The following ARHGEF18 variants were observed in gnomAD, a reference collection of about 807,000 sequenced individuals.
The protein encoded by ARHGEF18 is rho guanine nucleotide exchange factor 18.
A neutral mutation model predicts 155.7 loss-of-function variants in ARHGEF18; 93 were observed. The ratio of observed to expected loss-of-function variants is 0.60; its 90% CI spans 0.50 to 0.71. The LOEUF is 0.71. Among genes scored for constraint, ARHGEF18 ranks in the 30% least tolerant of loss-of-function variants. The pLI, the probability that ARHGEF18 is intolerant of heterozygous loss-of-function variation, is 0.00. For synonymous variants in ARHGEF18, 742 were observed against 753.1 expected (o/e 0.99, Z 0.24); for missense variants, 1,593 against 1,816.1 (o/e 0.88, Z 2.23).
chr19:7,453,330 C>T (rs1975613341), intron 16 of ARHGEF18, 137 bp from the exon 17 acceptor site: 1 of 984,156 alleles, frequency 1.0e-6, no homozygotes, highest in Non-Finnish European at 1.4e-6. Context: ...TTGGAGAACA[C>T]ACCTCATAGA....
chr19:7,477,090 G>A (rs1431344692), downstream of ARHGEF18: 2 of 1,045,452 alleles, frequency 1.9e-6, no homozygotes, highest in African/African-American at 3.4e-5. Flanking sequence ...CTGCCCATGG[G>A]TTTCACCACA....
chr19:7,456,463 TC>T, intron 18 of ARHGEF18, 60 bp downstream of exon 18: 1 of 1,514,462 alleles, frequency 6.6e-7, no homozygotes, highest in Non-Finnish European at 9.2e-7. Flanking sequence ...ACGTCTATAA[TC>T]CCAGCACTTT....
chr19:7,384,200 G>C (rs1970879283), intron 10 of ARHGEF18, among the ~76,000 whole-genome samples: 1 of 152,072 alleles, frequency 6.6e-6, no homozygotes, highest in Non-Finnish European at 1.5e-5. Context: ...TTGTTCTAAG[G>C]GGCTATCCTG....
rs557473165 is a variant in ARHGEF18 at position 7,464,489 on chromosome 19, G to C, written c.2774-71G>C. On this transcript the variant is annotated intron_variant, in intron 22 of 28. Transcript: ENST00000668164. The stretch of plus-strand genomic sequence containing the variant: ...GGTTTCCTACCTGGGCAGGGGCTGG[G>C]GGTGGACTGGGAAGCTTCCCCCTCC... The C allele has an allele frequency of 1.0e-5, 16 of 1,542,444 alleles. 1 individual carries two copies. In the Admixed American group the frequency reaches 1.5e-4, roughly 15 times the overall value.
intron 10 of ARHGEF18, among the ~76,000 whole-genome samples, chr19:7,422,112 T>C (rs76528607): frequency 0.036 from 5,461 of 152,132 alleles, 297 homozygotes; most frequent in East Asian, 0.2. Context: ...GCCAAACTGG[T>C]TCCCTGCCTC....
chr19:7,473,974 C>A (rs141310131), downstream of ARHGEF18, among the ~76,000 whole-genome samples: 1 of 150,128 alleles, frequency 6.7e-6, no homozygotes, highest in Non-Finnish European at 1.5e-5. Context: ...CATGGTGAGA[C>A]CCTGTCTATA....
intron 14 of ARHGEF18, among the ~76,000 whole-genome samples, 169 bp from the exon 15 acceptor site, chr19:7,446,874 C>T (rs1288649604): frequency 6.8e-6 from 1 of 147,426 alleles, no homozygotes; most frequent in Non-Finnish European, 1.5e-5. Flanking sequence ...TTAGCCTGAG[C>T]CACAGAGCAA....
Position 7,469,982 on chromosome 19 carries a change from C to T in ARHGEF18, c.3866C>T (p.Ser1289Leu), listed in dbSNP as rs1446018186. ...KDESTSRNRR[S>L]LSPILPGRHS... ...GAGAGCACCTCACGGAACCGCCGCT[C>T]GCTGAGCCCTATCCTGCCCGGCAGA... The change falls in exon 28 of 29, where the codon TCG (serine) becomes TTG (leucine). Residue 1289 changes from serine to leucine, a missense_variant. Ser to Leu is a moderately radical substitution (Grantham distance 145). Coordinates refer to ENST00000668164, the MANE Select transcript of ARHGEF18 (RefSeq NM_001367823.1). The T allele has an allele frequency of 1.1e-5, 17 of 1,613,114 alleles. No homozygotes were observed. Among genetic ancestry groups the T allele is most frequent in the Middle Eastern group, 1.6e-4 (1 of 6,082 alleles).
At chr19:7,394,353 G>T (rs1175246625) in intron 10 of ARHGEF18, among the ~76,000 whole-genome samples, 1 of 151,978 alleles carries the variant, frequency 6.6e-6, no homozygotes, top group Non-Finnish European at 1.5e-5. Flanking sequence ...ACTCCCTGAT[G>T]CTGCTTCTTT....
chr19:7,399,121 T>A (rs1971888811), intron 10 of ARHGEF18, among the ~76,000 whole-genome samples: 3 of 152,198 alleles, frequency 2.0e-5, no homozygotes, highest in Admixed American at 2.0e-4. Flanking sequence ...TTGTTATTTG[T>A]TAGGTAAACT....
chr19:7,406,231 C>T (rs12981655), intron 10 of ARHGEF18, among the ~76,000 whole-genome samples: 7 of 152,110 alleles, frequency 4.6e-5, no homozygotes, highest in South Asian at 2.1e-4. Flanking sequence ...ATTACAGGCG[C>T]GTGCCACCAC....
intron 7 of ARHGEF18, among the ~76,000 whole-genome samples, chr19:7,380,260 C>CCT (rs1568281109): frequency 6.6e-6 from 1 of 151,724 alleles, no homozygotes; most frequent in East Asian, 1.9e-4. Context: ...GGGCGGATCA[C>CCT]GAGGTCAGGA....
chr19:7,373,483 G>GT (rs372663795), intron 3 of ARHGEF18, among the ~76,000 whole-genome samples: 37 of 140,426 alleles, frequency 2.6e-4, no homozygotes, highest in South Asian at 4.5e-4. Context: ...TTTTGTTTTT[G>GT]TTTTTTTTTT....
At chr19:7,434,685 G>C (rs113627120) in intron 10 of ARHGEF18, among the ~76,000 whole-genome samples, 2,139 of 152,328 alleles carry the variant, frequency 0.014, 28 homozygotes, top group South Asian at 0.085. Flanking sequence ...CTCTCTCGGA[G>C]CCAAGAGCAG....
intron 15 of ARHGEF18, among the ~76,000 whole-genome samples, chr19:7,449,366 G>A (rs951660699): frequency 6.6e-6 from 1 of 152,086 alleles, no homozygotes; most frequent in African/African-American, 2.4e-5. Context: ...TTGAGCCCAG[G>A]AGTTTGAGAC....
Position 7,410,997 on chromosome 19 carries a change from C to A in ARHGEF18, c.967+27794C>A, listed in dbSNP as rs558021564. 5.9e-5 allele frequency among the ~76,000 whole-genome samples: 9 copies of A among 152,086 alleles called. No individual in the cohort carries two copies. The East Asian group carries it at 1.7e-3, about 29-fold the overall frequency. The stretch of plus-strand genomic sequence containing the variant: ...CCTGTACCCAGTGTCAAGAGAAATA[C>A]TCACAAGGCAGATGCTTTTTCAGCA... On this transcript the variant is annotated intron_variant, in intron 10 of 28. Coordinates refer to ENST00000668164, the MANE Select transcript of ARHGEF18 (RefSeq NM_001367823.1).
At chr19:7,441,274 G>T (rs1974629144) in intron 11 of ARHGEF18, among the ~76,000 whole-genome samples, 1 of 146,242 alleles carries the variant, frequency 6.8e-6, no homozygotes, top group South Asian at 2.1e-4. Context: ...CCACCTCCCA[G>T]ATTCAAGTGA....
chr19:7,392,074 C>T (rs749712273), intron 10 of ARHGEF18, among the ~76,000 whole-genome samples: 9 of 151,528 alleles, frequency 5.9e-5, no homozygotes, highest in Non-Finnish European at 1.3e-4. Context: ...AACCCCATCT[C>T]TACAAAAAAT....
rs537810255 is a variant in ARHGEF18, at chr19:7,429,018, G to T, written c.968-11326G>T. Among the ~76,000 whole-genome samples, 63 of 152,372 alleles carry T rather than the reference G, an allele frequency of 4.1e-4. 1 individual carries two copies. Among genetic ancestry groups the T allele is most frequent in the African/African-American group, 1.4e-3 (60 of 41,594 alleles). On this transcript the variant is annotated intron_variant, in intron 10 of 28. Transcript: ENST00000668164. ...GCTGTAAAGGAAGCCCGCAGGCCTA[G>T]GCCACGGGCCCGAGGGCAGGGGCAC...
Sources: allele counts gnomAD v4.1 joint callset (sites outside exome capture counted in the v4.1 genomes callset), GRCh38; gene constraint gnomAD v4.1.1; transcripts MANE v1.5; gene names NCBI Gene and HGNC (gene_info 2026-07-23, HGNC 2026-07-21).